SLC13A3: variants seen among roughly 807,000 people sequenced by gnomAD.
The protein encoded by SLC13A3 is solute carrier family 13 member 3, also known as Na(+)/dicarboxylate cotransporter 3.
SLC13A3 carries 40 observed loss-of-function variants against 59.0 expected under a neutral mutation model. The observed-to-expected ratio is 0.68, with a 90% CI of 0.53 to 0.88. The LOEUF is 0.88. Among genes scored for constraint, SLC13A3 ranks in the 40% least tolerant of loss-of-function variants. The pLI is 0.00. For synonymous variants in SLC13A3, 317 were observed against 330.3 expected, an observed-to-expected ratio of 0.96 and a Z score of 0.44; for missense variants, 699 against 783.2, an observed-to-expected ratio of 0.89 and a Z score of 1.28.
At chr20:46,602,833 T>G (rs1174752528) in intron 3 of SLC13A3, among the ~76,000 whole-genome samples, 1 of 152,160 alleles carries the variant, frequency 6.6e-6, no homozygotes, top group East Asian at 1.9e-4. Flanking sequence ...ATACCTCAGT[T>G]CTTTAATGAT....
chr20:46,588,118 G>C lies in SLC13A3; in HGVS notation c.1062C>G (p.Ile354Met). Residue 354 changes from isoleucine (I) to methionine (M), a missense_variant, in exon 8 of 13, where the codon ATC becomes ATG. Physicochemically the swap from Ile to Met is conservative, Grantham distance 10. Transcript: ENST00000279027. ...AVFILFCMFAILLFTRDPKFI... is the reference protein window; with the variant it reads ...AVFILFCMFAMLLFTRDPKFI... ...ACTTCGGGTCCCGGGTGAAGAGGAG[G>C]ATGGCAAACATGCAGAAAAGGATGA... 1 of 1,613,300 alleles carries C rather than the reference G, an allele frequency of 6.2e-7. No homozygotes were observed. The highest frequency in any genetic ancestry group is 8.5e-7 in the Non-Finnish European group (1 of 1,179,544).
At chr20:46,604,614 G>A (rs1291484147) in intron 3 of SLC13A3, among the ~76,000 whole-genome samples, 1 of 152,172 alleles carries the variant, frequency 6.6e-6, no homozygotes, top group Non-Finnish European at 1.5e-5. Context: ...TTGGTACCAT[G>A]AGGGAACAGG....
intron 11 of SLC13A3, among the ~76,000 whole-genome samples, chr20:46,565,679 T>C (rs1005258407): frequency 6.6e-6 from 1 of 152,170 alleles, no homozygotes; most frequent in Middle Eastern, 3.2e-3. Flanking sequence ...GAAGGATTTG[T>C]TCCCCTGACG....
intron 1 of SLC13A3, among the ~76,000 whole-genome samples, chr20:46,650,364 C>G (rs1406785436): frequency 2.0e-5 from 3 of 152,170 alleles, no homozygotes; most frequent in South Asian, 2.1e-4. Context: ...CCTTGGTTTT[C>G]TCCTCTGGAA....
chr20:46,563,644 G>C lies in SLC13A3; in HGVS notation c.1495-93C>G, dbSNP rs1600490758. 4.0e-6 allele frequency: 5 copies of C among 1,245,654 alleles called. No homozygotes were observed. The Admixed American group carries it at 1.2e-4, about 31-fold the overall frequency. The allele number at this position is 1,245,654 out of a possible 1,614,324, so 77.2% of individuals were successfully genotyped here. On this transcript the variant is annotated intron_variant, in intron 11 of 12. Coordinates refer to ENST00000279027, the MANE Select transcript of SLC13A3 (RefSeq NM_022829.6). ...AGAGAGAGAGAGAGGCAGTTGGAAA[G>C]AGGGACACAAAGACGTAGAGACAGA...
At position 46,626,327 on chromosome 20, in the gene SLC13A3, C is replaced by A. The variant is rs576224990; in HGVS notation, c.112-12602G>T. ...CTCCCTCTCTCTTCTTCCTCTCTCA[C>A]TCCCCCTCCCTTTCTCTCCCTCCCT... On this transcript the variant is annotated intron_variant, in intron 1 of 12. Transcript: ENST00000279027. Among the ~76,000 whole-genome samples the A allele has an allele frequency of 1.5e-4, 23 of 151,416 alleles. No individual in the cohort carries two copies. The South Asian group carries it at 4.9e-3, about 32-fold the overall frequency.
At chr20:46,643,807 G>T (rs2062868416) in intron 1 of SLC13A3, among the ~76,000 whole-genome samples, 1 of 152,166 alleles carries the variant, frequency 6.6e-6, no homozygotes, top group East Asian at 1.9e-4. Context: ...ATTTTAGGAG[G>T]CTGAGAGGGG....
chr20:46,575,370 C>A (rs1331525583), intron 10 of SLC13A3, among the ~76,000 whole-genome samples: 1 of 152,202 alleles, frequency 6.6e-6, no homozygotes, highest in African/African-American at 2.4e-5. Flanking sequence ...CCTTAAGGAT[C>A]CAGGCCATAA....
intron 1 of SLC13A3, among the ~76,000 whole-genome samples, chr20:46,629,106 C>A (rs1159587678): frequency 6.6e-6 from 1 of 152,142 alleles, no homozygotes; most frequent in Admixed American, 6.5e-5. Flanking sequence ...ATTTGGATTT[C>A]TTTCTTATAT....
upstream of SLC13A3, among the ~76,000 whole-genome samples, chr20:46,655,136 A>G (rs2062975208): frequency 6.6e-6 from 1 of 151,800 alleles, no homozygotes; most frequent in Non-Finnish European, 1.5e-5. Flanking sequence ...AAGTTTGGCC[A>G]TGATATGTCT....
At chr20:46,646,612 G>A (rs2062897103) in intron 1 of SLC13A3, among the ~76,000 whole-genome samples, 1 of 152,148 alleles carries the variant, frequency 6.6e-6, no homozygotes, top group Admixed American at 6.5e-5. Flanking sequence ...CCTCTTCAGA[G>A]CCAGACACAA....
chr20:46,571,472 G>A (rs1264468612), intron 10 of SLC13A3, among the ~76,000 whole-genome samples: 3 of 152,046 alleles, frequency 2.0e-5, no homozygotes, highest in African/African-American at 4.8e-5. Flanking sequence ...GAGCACCCAG[G>A]GTATATCACC....
intron 1 of SLC13A3, among the ~76,000 whole-genome samples, chr20:46,680,488 G>C (rs547212581): frequency 6.6e-6 from 1 of 152,180 alleles, no homozygotes; most frequent in Non-Finnish European, 1.5e-5. Flanking sequence ...TTGCCCCAGA[G>C]GCAGGGAGAG....
chr20:46,639,874 C>T (rs565559587), intron 1 of SLC13A3, among the ~76,000 whole-genome samples: 11 of 152,226 alleles, frequency 7.2e-5, no homozygotes, highest in Non-Finnish European at 5.9e-5. Context: ...GGTCATACTG[C>T]ATGGCTGAGA....
At chr20:46,662,815 G>A (rs1396201056) in intron 1 of SLC13A3, among the ~76,000 whole-genome samples, 2 of 152,182 alleles carry the variant, frequency 1.3e-5, no homozygotes, top group Non-Finnish European at 2.9e-5. Flanking sequence ...TTGTATCTAG[G>A]AAGGGGTAAA....
intron 1 of SLC13A3, among the ~76,000 whole-genome samples, chr20:46,676,345 C>T (rs146047594): frequency 0.021 from 3,166 of 151,716 alleles, 53 homozygotes; most frequent in South Asian, 0.036. Flanking sequence ...GTCCATCCCC[C>T]GAGAAGTCCC....
At chr20:46,586,114 T>A (rs923884618) in intron 8 of SLC13A3, among the ~76,000 whole-genome samples, 1 of 152,252 alleles carries the variant, frequency 6.6e-6, no homozygotes, top group African/African-American at 2.4e-5. Context: ...ATTAGTTTCA[T>A]CTGTTTTTCA....
At chr20:46,621,410 T>A (rs1004239732) in intron 1 of SLC13A3, among the ~76,000 whole-genome samples, 1 of 152,254 alleles carries the variant, frequency 6.6e-6, no homozygotes. Context: ...GGCATTGACA[T>A]GATTAAGTTC....
intron 10 of SLC13A3, among the ~76,000 whole-genome samples, chr20:46,574,520 C>A (rs955299073): frequency 1.3e-5 from 2 of 152,188 alleles, no homozygotes; most frequent in African/African-American, 4.8e-5. Flanking sequence ...ACTCCGTGTG[C>A]CTCATTTGCC....
Sources: gnomAD v4.1 joint callset for allele counts (sites outside exome capture counted in the v4.1 genomes callset) on GRCh38, gnomAD v4.1.1 for gene constraint, MANE v1.5 for transcripts, NCBI Gene and HGNC (gene_info 2026-07-23, HGNC 2026-07-21) for gene names.